The following ABCA13 variants were observed in gnomAD, a reference collection of about 807,000 sequenced individuals.
The protein encoded by ABCA13 is ATP-binding cassette sub-family A member 13.
ABCA13 carries 476 observed loss-of-function variants against 478.7 expected under a neutral mutation model. The observed-to-expected ratio is 0.99, with a 90% CI of 0.92 to 1.07. ABCA13 has a LOEUF of 1.07. Ranked by LOEUF, ABCA13 falls within the 50% of genes least tolerant of loss-of-function variation. The pLI is 0.00. For synonymous variants in ABCA13, 2,252 were observed against 2,158.9 expected (o/e 1.04, Z -1.20); for missense variants, 6,060 against 5,910.6 (o/e 1.03, Z -0.83).
At chr7:48,330,203 A>C (rs775215073) in intron 27 of ABCA13, among the ~76,000 whole-genome samples, 3 of 151,514 alleles carry the variant, frequency 2.0e-5, no homozygotes, top group Non-Finnish European at 2.9e-5. Flanking sequence ...CTATCAATCC[A>C]TTCATCCATT....
chr7:48,504,012 T>A (rs1202844342), intron 48 of ABCA13, among the ~76,000 whole-genome samples: 2 of 152,220 alleles, frequency 1.3e-5, no homozygotes, highest in African/African-American at 4.8e-5. Context: ...TTGTCAGTTA[T>A]ACCTGAATAA....
chr7:48,603,581 A>T (rs1397505190), intron 58 of ABCA13: 1 of 152,612 alleles, frequency 6.6e-6, no homozygotes. Flanking sequence ...GATGAAGCTG[A>T]CTTGATTGTG....
At chr7:48,420,292 A>T (rs1260980883) in intron 41 of ABCA13, among the ~76,000 whole-genome samples, 1 of 152,222 alleles carries the variant, frequency 6.6e-6, no homozygotes, top group Admixed American at 6.5e-5. Context: ...TGAAATCATG[A>T]TAGTCACCAG....
intron 4 of ABCA13, among the ~76,000 whole-genome samples, chr7:48,220,909 C>CTTCATTTTT (rs1441414830): frequency 6.6e-6 from 1 of 151,972 alleles, no homozygotes; most frequent in African/African-American, 2.4e-5. Flanking sequence ...ACTTTTTTCT[C>CTTCATTTTT]TTCAAGTTTT....
chr7:48,362,409 C>CTTTTT (rs35795708), intron 31 of ABCA13, among the ~76,000 whole-genome samples: 68 of 85,938 alleles, frequency 7.9e-4, no homozygotes, highest in East Asian at 1.7e-3. Context: ...TCCTCTTCTT[C>CTTTTT]TTTTTTTTTT....
intron 55 of ABCA13, among the ~76,000 whole-genome samples, chr7:48,555,239 A>T (rs928679240): frequency 6.6e-6 from 1 of 151,840 alleles, no homozygotes; most frequent in African/African-American, 2.4e-5. Flanking sequence ...GTTTGCTTGT[A>T]TGTTGTTGAG....
chr7:48,488,671 T>C (rs1829565484), intron 47 of ABCA13, among the ~76,000 whole-genome samples: 1 of 152,190 alleles, frequency 6.6e-6, no homozygotes. Context: ...CTTTGAAATA[T>C]AGATACTGAT....
Position 48,278,509 on chromosome 7 carries a change from T to C in ABCA13, c.7315T>C (p.Tyr2439His). The change falls in exon 18 of 62, where the codon TAT becomes CAT. Residue 2439 changes from tyrosine to histidine, a missense_variant. Physicochemically the swap from Tyr to His is moderately conservative, Grantham distance 83 (BLOSUM62 2). This residue lies in a region of ABCA13 where 4,423 missense variants were observed against 4,309.1 expected (regional missense o/e 1.03). Transcript: ENST00000435803. ...TILHSPNKDFYALYPTLQEVI... is the reference protein window; with the variant it reads ...TILHSPNKDFHALYPTLQEVI... ...TTTACACTCTCCTAATAAGGACTTC[T>C]ATGCTTTGTATCCTACCCTCCAAGA... The C allele has an allele frequency of 6.2e-7, 1 of 1,613,974 alleles. No homozygotes were observed. The highest frequency in any genetic ancestry group is 8.5e-7 in the Non-Finnish European group (1 of 1,179,868).
intron 55 of ABCA13, among the ~76,000 whole-genome samples, chr7:48,565,596 G>A (rs1786968178): frequency 6.6e-6 from 1 of 152,058 alleles, no homozygotes. Context: ...GGGCGTGGTT[G>A]CTCATGTGTG....
intron 56 of ABCA13, among the ~76,000 whole-genome samples, chr7:48,581,332 A>G (rs1788688871): frequency 6.6e-6 from 1 of 152,138 alleles, no homozygotes; most frequent in Admixed American, 6.5e-5. Flanking sequence ...TATGCTTTCT[A>G]ACTTTAAGTG....
rs201027980 is a variant in ABCA13 at position 48,412,540 on chromosome 7, T to C, written c.12416T>C (p.Leu4139Pro). The change falls in exon 41 of 62, where the codon CTG becomes CCG. Residue 4139 changes from leucine to proline, a missense_variant. Physicochemically the swap from Leu to Pro is moderately conservative, Grantham distance 98. Around this residue, in one of 3 missense-constraint regions of ABCA13, gnomAD observed 1,627 missense variants for 1,571.0 expected, o/e 1.04. Coordinates refer to ENST00000435803, the MANE Select transcript of ABCA13 (RefSeq NM_152701.5). ...GCCCTGGATGAGAACCTGCATCAGC[T>C]GCACCTGACGGGCTATGGGATCTCA... ...FQALDENLHQ[L>P]HLTGYGISDT... is the part of the protein sequence containing the mutation. 6.2e-7 allele frequency: 1 copy of C among 1,613,144 alleles called. No homozygotes were observed. The highest frequency in any genetic ancestry group is 8.5e-7 in the Non-Finnish European group (1 of 1,179,636).
At chr7:48,561,240 A>G (rs12718284) in intron 55 of ABCA13, among the ~76,000 whole-genome samples, 8,280 of 152,186 alleles carry the variant, frequency 0.054, 257 homozygotes, top group South Asian at 0.085. Context: ...AATGATTTCA[A>G]ATCTTTCAGT....
chr7:48,592,296 T>C (rs561836400), intron 57 of ABCA13, among the ~76,000 whole-genome samples: 7 of 152,020 alleles, frequency 4.6e-5, no homozygotes, highest in Admixed American at 3.9e-4. Context: ...TCAAGATACA[T>C]GTATTTTTTA....
At chr7:48,483,262 T>A in intron 47 of ABCA13, 99 bp downstream of exon 47, 1 of 1,013,064 alleles carries the variant, frequency 9.9e-7, no homozygotes, top group Non-Finnish European at 1.4e-6. Flanking sequence ...AGGACCAGAT[T>A]AAATCCAATC....
intron 53 of ABCA13, among the ~76,000 whole-genome samples, chr7:48,520,512 A>G (rs1832469642): frequency 6.6e-6 from 1 of 152,224 alleles, no homozygotes; most frequent in African/African-American, 2.4e-5. Flanking sequence ...AAACTGTGAG[A>G]TGATCTTTCC....
At chr7:48,520,881 A>G (rs1832498437) in intron 53 of ABCA13, among the ~76,000 whole-genome samples, 1 of 152,204 alleles carries the variant, frequency 6.6e-6, no homozygotes, top group African/African-American at 2.4e-5. Context: ...TTATTTTTAC[A>G]ACTAAATGCC....
In ABCA13 at chr7:48,387,945, A is replaced by G. The variant is rs768908344; in HGVS notation, c.11459A>G (p.Asn3820Ser). 6.2e-7 allele frequency: 1 copy of G among 1,608,414 alleles called. No individual in the cohort carries two copies. The highest frequency in any genetic ancestry group is 1.7e-4 in the Middle Eastern group (1 of 6,024). Reference protein sequence around the residue: ...LSSSLFFFNENFDNKGSSLQN... With the variant: ...LSSSLFFFNESFDNKGSSLQN... ...TCTAGTCTGTTCTTCTTCAATGAGA[A>G]CTTTGACAATAAAGGTTTGTAAGGA... Residue 3820 changes from asparagine to serine, a missense_variant, in exon 36 of 62, where the codon AAC becomes AGC. Transcript: ENST00000435803.
intron 58 of ABCA13, among the ~76,000 whole-genome samples, chr7:48,608,415 G>C (rs545416137): frequency 1.3e-5 from 2 of 152,198 alleles, no homozygotes; most frequent in Non-Finnish European, 2.9e-5. Flanking sequence ...ACAGCCTCTG[G>C]GTTCACAAAG....
intron 55 of ABCA13, among the ~76,000 whole-genome samples, chr7:48,577,743 A>T (rs555810256): frequency 2.4e-4 from 37 of 152,258 alleles, no homozygotes; most frequent in African/African-American, 8.7e-4. Flanking sequence ...CAGCATTATC[A>T]TAATACTGAA....
Sources: gnomAD v4.1 joint callset for allele counts (sites outside exome capture counted in the v4.1 genomes callset) on GRCh38, gnomAD v4.1.1 for gene constraint, gnomAD v4.1.1 regional missense constraint, MANE v1.5 for transcripts, NCBI Gene and HGNC (gene_info 2026-07-23, HGNC 2026-07-21) for gene names.